Variants in DNAH12 observed in about 807,000 individuals in gnomAD.
DNAH12 encodes axonemal beta dynein heavy chain 12.
In DNAH12, 285 loss-of-function variants were observed where a neutral mutation model predicts 371.5. That is an observed-to-expected ratio of 0.77 (90% confidence interval 0.70 to 0.85). DNAH12 has a LOEUF of 0.85. Among genes scored for constraint, DNAH12 ranks in the 40% least tolerant of loss-of-function variants. The pLI is 0.00. For synonymous variants in DNAH12, 1,200 were observed against 1,213.0 expected (o/e 0.99, Z 0.22); for missense variants, 3,611 against 3,689.4 (o/e 0.98, Z 0.55).
chr3:57,329,740 C>G (rs2062045559), intron 62 of DNAH12, among the ~76,000 whole-genome samples: 1 of 151,272 alleles, frequency 6.6e-6, no homozygotes, highest in Non-Finnish European at 1.5e-5. Flanking sequence ...AGAGCTTCTG[C>G]ACAGCAAAAG....
At chr3:57,469,204 T>C (rs2066292893) in intron 16 of DNAH12, among the ~76,000 whole-genome samples, 1 of 152,214 alleles carries the variant, frequency 6.6e-6, no homozygotes, top group Non-Finnish European at 1.5e-5. Context: ...AGATTATAAA[T>C]GGATGATTAA....
chr3:57,419,680 TAA>T (rs1206951825), intron 36 of DNAH12, among the ~76,000 whole-genome samples, 162 bp from the exon 37 acceptor site: 2 of 152,212 alleles, frequency 1.3e-5, no homozygotes, highest in Admixed American at 6.5e-5. Flanking sequence ...TAGCATATTT[TAA>T]GTCATAAGCA....
At chr3:57,483,616 T>TG in intron 12 of DNAH12, 105 bp from the exon 13 acceptor site, 1 of 1,245,366 alleles carries the variant, frequency 8.0e-7, no homozygotes, top group Non-Finnish European at 1.0e-6. Context: ...TATGATATCC[T>TG]AAAAAAATTG....
intron 2 of DNAH12, among the ~76,000 whole-genome samples, chr3:57,541,579 TCATC>T (rs2069287777): frequency 1.3e-5 from 2 of 151,666 alleles, no homozygotes; most frequent in South Asian, 2.1e-4. Context: ...TTGCTCAGAC[TCATC>T]TCAAATTCCT....
At position 57,519,610 on chromosome 3, in the gene DNAH12, T is replaced by A. The variant is rs557274044; in HGVS notation, c.279+3973A>T. ...GAGTGTTCTAGCCTTTGAAGGGCAC[T>A]TGATAACAAGATCCACCAAGGCTCT... On this transcript the variant is annotated intron_variant, in intron 4 of 73. Transcript: ENST00000495027. 6.3e-5 allele frequency: 63 copies of A among 1,003,882 alleles called. No homozygotes were observed. In the South Asian group the frequency reaches 8.1e-4, roughly 13 times the overall value. The allele number at this position is 1,003,882 out of a possible 1,614,324, so 62.2% of individuals were successfully genotyped here.
Position 57,415,473 on chromosome 3 carries a change from G to T in DNAH12, c.5806C>A (p.Pro1936Thr), listed in dbSNP as rs1418144520. 2 of 1,551,114 alleles carry T rather than the reference G, an allele frequency of 1.3e-6. No individual in the cohort carries two copies. Among genetic ancestry groups the T allele is most frequent in the South Asian group, 2.4e-5 (2 of 83,898 alleles). Residue 1936 changes from proline (P) to threonine (T), a missense_variant, in exon 38 of 74, where the codon CCT becomes ACT. By Grantham distance (38) the Pro-to-Thr change is conservative. Transcript: ENST00000495027. ...CGTGCAGATAAGTTAATATAAAAAGGAAAGTACTGGTCCTTTTCCAAGTGA... is the reference window on the plus strand; with the variant it reads ...CGTGCAGATAAGTTAATATAAAAAGTAAAGTACTGGTCCTTTTCCAAGTGA... Reference protein sequence around the residue: ...MNHLEKDQYFPFYINLSARTS... With the variant: ...MNHLEKDQYFTFYINLSARTS...
At position 57,421,503 on chromosome 3, in the gene DNAH12, CTTT is replaced by C; in HGVS notation, c.5562+12_5562+14del. 6.4e-7 allele frequency: 1 copy of C among 1,550,992 alleles called. No homozygotes were observed. Among genetic ancestry groups the C allele is most frequent in the Non-Finnish European group, 8.7e-7 (1 of 1,146,600 alleles). ...TTGTGTTTTATCTTACCATAACAAG[CTTT>C]TTATGTCATACCTCATACATGTAGT... On this transcript the variant is annotated intron_variant, in intron 36 of 73. Coordinates refer to ENST00000495027, the MANE Select transcript of DNAH12 (RefSeq NM_001366028.2).
intron 2 of DNAH12, among the ~76,000 whole-genome samples, chr3:57,539,103 C>G (rs1187636275): frequency 6.6e-6 from 1 of 152,194 alleles, no homozygotes; most frequent in Non-Finnish European, 1.5e-5. Context: ...ACCATAAGTT[C>G]TCATCTATGC....
At chr3:57,515,771 A>G (rs1334773230) in intron 4 of DNAH12, among the ~76,000 whole-genome samples, 1 of 152,110 alleles carries the variant, frequency 6.6e-6, no homozygotes, top group Non-Finnish European at 1.5e-5. Flanking sequence ...GAAATGATAG[A>G]AAAATTACTA....
chr3:57,352,300 A>C, intron 59 of DNAH12, 75 bp from the exon 60 acceptor site: 1 of 1,394,800 alleles, frequency 7.2e-7, no homozygotes. Context: ...TAACATATAC[A>C]CTTTTTATTT....
At chr3:57,378,142 C>T (rs2063319492) in intron 52 of DNAH12, among the ~76,000 whole-genome samples, 1 of 152,116 alleles carries the variant, frequency 6.6e-6, no homozygotes, top group Non-Finnish European at 1.5e-5. Flanking sequence ...ATTTCTCTCC[C>T]ATGCTTCTGT....
intron 7 of DNAH12, 102 bp downstream of exon 7, chr3:57,508,280 G>T (rs1207124518): frequency 9.1e-7 from 1 of 1,097,664 alleles, no homozygotes; most frequent in Non-Finnish European, 1.2e-6. Flanking sequence ...AAAATCTAGA[G>T]AAAAGTGTTG....
intron 70 of DNAH12, 27 bp from the exon 71 acceptor site, chr3:57,297,011 T>G (rs1345571743): frequency 1.3e-6 from 2 of 1,549,446 alleles, no homozygotes; most frequent in Non-Finnish European, 1.7e-6. Flanking sequence ...AAACACATTA[T>G]GTCAGTTTTT....
intron 52 of DNAH12, among the ~76,000 whole-genome samples, chr3:57,377,633 C>A (rs1305858491): frequency 1.3e-5 from 2 of 150,604 alleles, no homozygotes; most frequent in Non-Finnish European, 3.0e-5. Context: ...TTGTGATTTT[C>A]TTCCCAGTCA....
intron 13 of DNAH12, among the ~76,000 whole-genome samples, chr3:57,477,849 C>T (rs1308598816): frequency 6.6e-6 from 1 of 152,178 alleles, no homozygotes; most frequent in Admixed American, 6.5e-5. Flanking sequence ...TCCAACAGAC[C>T]TGCAGCTGAG....
intron 60 of DNAH12, among the ~76,000 whole-genome samples, chr3:57,335,217 G>A (rs1344591457): frequency 6.6e-6 from 1 of 152,200 alleles, no homozygotes; most frequent in Non-Finnish European, 1.5e-5. Context: ...GAGCAGGGAG[G>A]TGTGATCAGA....
intron 13 of DNAH12, among the ~76,000 whole-genome samples, chr3:57,474,353 A>G: frequency 6.6e-6 from 1 of 152,096 alleles, no homozygotes; most frequent in East Asian, 1.9e-4. Context: ...CTGGAGTGCA[A>G]TGGTGCAATT....
chr3:57,343,822 A>G (rs1434328121), intron 60 of DNAH12, among the ~76,000 whole-genome samples: 3 of 152,162 alleles, frequency 2.0e-5, no homozygotes, highest in African/African-American at 4.8e-5. Flanking sequence ...GTTTGCAGCA[A>G]TGCTACCTTG....
At chr3:57,433,039 T>C (rs961429354) in intron 32 of DNAH12, among the ~76,000 whole-genome samples, 4 of 152,192 alleles carry the variant, frequency 2.6e-5, no homozygotes, top group Admixed American at 2.6e-4. Flanking sequence ...AATTAGGCTT[T>C]TGTTATTTTA....
Sources: allele counts gnomAD v4.1 joint callset (sites outside exome capture counted in the v4.1 genomes callset), GRCh38; gene constraint gnomAD v4.1.1; transcripts MANE v1.5; gene names NCBI Gene and HGNC (gene_info 2026-07-23, HGNC 2026-07-21).